PLEKHM2: variants seen among roughly 807,000 people sequenced by gnomAD.
PLEKHM2 encodes pleckstrin homology and RUN domain containing M2.
PLEKHM2 carries 77 observed loss-of-function variants against 116.3 expected under a neutral mutation model. That is an observed-to-expected ratio of 0.66 (90% CI 0.55 to 0.80). The LOEUF is 0.80. PLEKHM2 is among the 30% of genes least tolerant of loss of function. The probability of loss-of-function intolerance (pLI) is 0.00; values close to 1 mark genes in which losing one functional copy is unlikely to be tolerated. For synonymous variants in PLEKHM2, 562 were observed against 571.0 expected (o/e 0.98, Z 0.22); for missense variants, 1,183 against 1,354.9 (o/e 0.87, Z 1.99).
intron 1 of PLEKHM2, among the ~76,000 whole-genome samples, chr1:15,692,756 T>A (rs1640913601): frequency 1.3e-5 from 2 of 152,078 alleles, no homozygotes; most frequent in South Asian, 2.1e-4. Context: ...TTTTTCTTTT[T>A]TTAATGGAGT....
Position 15,719,462 on chromosome 1 carries a change from T to G in PLEKHM2, c.466-272T>G, listed in dbSNP as rs571101860. 6.8e-6 allele frequency among the ~76,000 whole-genome samples: 1 copy of G among 147,496 alleles called. No homozygotes were observed. Among genetic ancestry groups the G allele is most frequent in the Non-Finnish European group, 1.5e-5 (1 of 67,240 alleles). On this transcript the variant is annotated intron_variant, in intron 5 of 19. Coordinates refer to ENST00000375799, the MANE Select transcript of PLEKHM2 (RefSeq NM_015164.4). The surrounding 1 kb of genome is among the most constrained non-coding windows in gnomAD (Gnocchi z 4.1). ...TGAGACTCTGTCTCAAAAAAAAAAA[T>G]AAATAAATAGAGAGAGAGAGAGATA...
chr1:15,700,858 A>G (rs772744170), intron 1 of PLEKHM2, among the ~76,000 whole-genome samples: 1 of 152,186 alleles, frequency 6.6e-6, no homozygotes, highest in African/African-American at 2.4e-5. Context: ...TCACGCCTGT[A>G]ACCCCAGCAC....
intron 1 of PLEKHM2, among the ~76,000 whole-genome samples, chr1:15,685,871 A>G (rs1461096486): frequency 6.6e-6 from 1 of 152,218 alleles, no homozygotes; most frequent in Non-Finnish European, 1.5e-5. Context: ...GAGCTTTGCT[A>G]ATGTAATGGG....
At chr1:15,730,759 C>T in intron 15 of PLEKHM2, 37 bp downstream of exon 15, 2 of 1,533,474 alleles carry the variant, frequency 1.3e-6, no homozygotes, top group South Asian at 1.2e-5. Flanking sequence ...GGGGCTTGGG[C>T]CCTGGGGTGG....
intron 1 of PLEKHM2, among the ~76,000 whole-genome samples, chr1:15,694,756 G>GC (rs1640958231): frequency 6.9e-6 from 1 of 144,310 alleles, no homozygotes; most frequent in Non-Finnish European, 1.5e-5. Context: ...ATTTTGTTTT[G>GC]TTTTTTTTTT....
intron 6 of PLEKHM2, chr1:15,720,281 C>T (rs2067977562): frequency 1.1e-6 from 1 of 951,560 alleles, no homozygotes; most frequent in African/African-American, 1.8e-5. Flanking sequence ...GTTGCCTGTT[C>T]TGGGGAGCTT....
chr1:15,727,817 A>G lies in PLEKHM2; in HGVS notation c.1745A>G (p.His582Arg), dbSNP rs766459474. The G allele has an allele frequency of 6.3e-7, 1 of 1,582,472 alleles. No homozygotes were observed. The highest frequency in any genetic ancestry group is 1.2e-5 in the South Asian group (1 of 86,570). ...CAGGGGAGCCCTTCGGAGATGGTCC[A>G]TTCCTCGGAGTTCAGGTAACAAGAC... is the stretch of plus-strand genomic sequence containing the variant. ...EGQGSPSEMV[H>R]SSEFRVDNNH... The change falls in exon 9 of 20, where the codon CAT becomes CGT. Residue 582 changes from histidine to arginine, a missense_variant. Physicochemically the swap from His to Arg is conservative, Grantham distance 29 (BLOSUM62 0). This residue lies in a region of PLEKHM2 where 594 missense variants were observed against 720.1 expected (regional missense o/e 0.82). Coordinates refer to ENST00000375799, the MANE Select transcript of PLEKHM2 (RefSeq NM_015164.4). The surrounding 1 kb of genome is among the most constrained non-coding windows in gnomAD (Gnocchi z 7.5).
chr1:15,721,406 G>A lies in PLEKHM2; in HGVS notation c.712+18G>A, dbSNP rs1179781601. On this transcript the variant is annotated intron_variant, in intron 7 of 19. Transcript: ENST00000375799. The surrounding 1 kb of genome is among the most constrained non-coding windows in gnomAD (Gnocchi z 5.1). Reference sequence around the variant, plus strand: ...CTGGGAAGGTGGGCCAGAGTCCGCTGTTACCCTCTTTTCCTGTTTTGCAAT... The same window carrying A: ...CTGGGAAGGTGGGCCAGAGTCCGCTATTACCCTCTTTTCCTGTTTTGCAAT... 1.3e-6 allele frequency: 2 copies of A among 1,522,306 alleles called. No individual in the cohort carries two copies. Among genetic ancestry groups the A allele is most frequent in the Non-Finnish European group, 1.8e-6 (2 of 1,116,474 alleles). The allele number at this position is 1,522,306 out of a possible 1,614,324, so 94.3% of individuals were successfully genotyped here.
intron 7 of PLEKHM2, among the ~76,000 whole-genome samples, chr1:15,723,508 G>A (rs976435801): frequency 6.6e-6 from 1 of 151,588 alleles, no homozygotes; most frequent in Non-Finnish European, 1.5e-5. Context: ...GAGAGGCTGA[G>A]GCTGGAGGAT....
At chr1:15,733,163 GC>G (rs1422165923) in intron 19 of PLEKHM2, among the ~76,000 whole-genome samples, 2 of 152,220 alleles carry the variant, frequency 1.3e-5, no homozygotes, top group African/African-American at 4.8e-5. Context: ...GCATGTTGGT[GC>G]CAGCCCCAGA....
intron 1 of PLEKHM2, among the ~76,000 whole-genome samples, chr1:15,703,631 T>C (rs1419677672): frequency 6.6e-6 from 1 of 152,224 alleles, no homozygotes; most frequent in Non-Finnish European, 1.5e-5. Context: ...TCAACCATAG[T>C]ACTAGAAATT....
rs576151996 is a variant in PLEKHM2 at position 15,723,774 on chromosome 1, G to A, written c.713-1543G>A. Among the ~76,000 whole-genome samples, 313 of 151,318 alleles carry A rather than the reference G, an allele frequency of 2.1e-3. 1 individual carries two copies. Among genetic ancestry groups the A allele is most frequent in the African/African-American group, 7.3e-3 (300 of 41,230 alleles). ...AAAAAAAAAAAAAAAAAAAAAGGAC[G>A]GTGTGCTGCATCAGCAGACAGCTGC... On this transcript the variant is annotated intron_variant, in intron 7 of 19. Coordinates refer to ENST00000375799, the MANE Select transcript of PLEKHM2 (RefSeq NM_015164.4).
At chr1:15,716,589 TG>T in intron 2 of PLEKHM2, 117 bp from the exon 3 acceptor site, 2 of 997,918 alleles carry the variant, frequency 2.0e-6, no homozygotes, top group Non-Finnish European at 1.5e-6. Flanking sequence ...GCTGGGTGCC[TG>T]GGAGACCTGC....
Position 15,727,998 on chromosome 1 carries a change from A to G in PLEKHM2, c.1761-81A>G. 3 of 1,291,364 alleles carry G rather than the reference A, an allele frequency of 2.3e-6. No individual in the cohort carries two copies. The highest frequency in any genetic ancestry group is 3.3e-6 in the Non-Finnish European group (3 of 907,304). The allele number at this position is 1,291,364 out of a possible 1,614,324, so 80.0% of individuals were successfully genotyped here. A position where few individuals can be genotyped will look rare whatever the true frequency, so the allele number is the denominator to read the frequency against. On this transcript the variant is annotated intron_variant, in intron 9 of 19. Coordinates refer to ENST00000375799, the MANE Select transcript of PLEKHM2 (RefSeq NM_015164.4). The surrounding 1 kb of genome is among the most constrained non-coding windows in gnomAD (Gnocchi z 7.5). ...GCTCCTAGTGGGAGGCGGAGGCACT[A>G]CCCCCTGGCTCTGGGGTGGGGTGTG...
Position 15,721,026 on chromosome 1 carries a change from A to G in PLEKHM2, c.653-303A>G. On this transcript the variant is annotated intron_variant, in intron 6 of 19. Transcript: ENST00000375799. This position sits in a 1 kb window ranked among gnomAD's most constrained non-coding sequence, Gnocchi z 5.1. ...TATGGAGGGAAGGCACGTAAGAGGTAGAAAACAAAGCTAGGCACAGGCAGC... is the reference window on the plus strand; with the variant it reads ...TATGGAGGGAAGGCACGTAAGAGGTGGAAAACAAAGCTAGGCACAGGCAGC... 1 of 332,452 alleles carries G rather than the reference A, an allele frequency of 3.0e-6. No homozygotes were observed. Among genetic ancestry groups the G allele is most frequent in the Non-Finnish European group, 5.5e-6 (1 of 182,478 alleles). 20.6% of individuals were successfully genotyped at this position (332,452 alleles called of 1,614,324 possible).
chr1:15,707,828 A>C (rs971593928), intron 1 of PLEKHM2, among the ~76,000 whole-genome samples: 2 of 152,236 alleles, frequency 1.3e-5, no homozygotes, highest in African/African-American at 4.8e-5. Context: ...TCTGTCTTCC[A>C]AGAAGCAGAA....
At chr1:15,688,148 C>T (rs1414339481) in intron 1 of PLEKHM2, among the ~76,000 whole-genome samples, 5 of 152,182 alleles carry the variant, frequency 3.3e-5, no homozygotes, top group African/African-American at 1.2e-4. Context: ...ACTACACCCT[C>T]AAAGCAACCA....
At chr1:15,696,507 C>A (rs200618954) in intron 1 of PLEKHM2, among the ~76,000 whole-genome samples, 1 of 152,088 alleles carries the variant, frequency 6.6e-6, no homozygotes, top group Non-Finnish European at 1.5e-5. Flanking sequence ...CCCGCCACCA[C>A]GCCCGGCTAA....
At chr1:15,708,375 C>T (rs1437126224) in intron 1 of PLEKHM2, among the ~76,000 whole-genome samples, 1 of 151,882 alleles carries the variant, frequency 6.6e-6, no homozygotes, top group Non-Finnish European at 1.5e-5. Flanking sequence ...CACCACCACG[C>T]CCGGCTAATT....
Sources: gnomAD v4.1 joint callset for allele counts (sites outside exome capture counted in the v4.1 genomes callset) on GRCh38, gnomAD v4.1.1 for gene constraint, gnomAD v4.1.1 regional missense constraint, Gnocchi (gnomAD v3.1) non-coding constraint, MANE v1.5 for transcripts, NCBI Gene and HGNC (gene_info 2026-07-23, HGNC 2026-07-21) for gene names.